The following CCBE1 variants were observed in gnomAD, a reference collection of about 807,000 sequenced individuals.
The protein encoded by CCBE1 is collagen and calcium binding EGF domains 1.
Under a neutral mutation model 50.0 loss-of-function variants are expected in CCBE1, and 37 were observed. That is an observed-to-expected ratio of 0.74 (90% CI 0.57 to 0.97). The LOEUF is 0.97. Ranked by LOEUF, CCBE1 falls within the 50% of genes least tolerant of loss-of-function variation. The pLI is 0.00. For synonymous variants in CCBE1, 234 were observed against 203.7 expected (o/e 1.15, Z -1.27); for missense variants, 538 against 523.8 (o/e 1.03, Z -0.26).
intron 2 of CCBE1, among the ~76,000 whole-genome samples, chr18:59,485,583 G>GGT (rs1384309085): frequency 1.2e-5 from 1 of 86,004 alleles, no homozygotes; most frequent in African/African-American, 5.3e-5. Context: ...AGATATATCA[G>GGT]ATATTTATTT....
intron 7 of CCBE1, among the ~76,000 whole-genome samples, chr18:59,440,484 G>A (rs950701759): frequency 2.6e-5 from 4 of 152,088 alleles, no homozygotes; most frequent in East Asian, 3.9e-4. Context: ...TTTCTGCCCC[G>A]AACCAGTCTT....
chr18:59,537,063 C>G (rs925412627), intron 2 of CCBE1, among the ~76,000 whole-genome samples: 4 of 151,596 alleles, frequency 2.6e-5, no homozygotes, highest in African/African-American at 7.3e-5. Flanking sequence ...AAAGTTAATG[C>G]TTAGCATACA....
chr18:59,497,162 G>A (rs1301199825), intron 2 of CCBE1, among the ~76,000 whole-genome samples: 1 of 152,034 alleles, frequency 6.6e-6, no homozygotes, highest in South Asian at 2.1e-4. Flanking sequence ...TCCTGTCTTC[G>A]CTCAATACAG....
At chr18:59,507,012 G>A (rs1040361842) in intron 2 of CCBE1, among the ~76,000 whole-genome samples, 4 of 152,008 alleles carry the variant, frequency 2.6e-5, no homozygotes, top group Admixed American at 2.0e-4. Flanking sequence ...CAGCCTTCAT[G>A]GTGGCATTTA....
At chr18:59,552,900 T>C (rs534728619) in intron 2 of CCBE1, among the ~76,000 whole-genome samples, 131 of 152,332 alleles carry the variant, frequency 8.6e-4, no homozygotes, top group Non-Finnish European at 1.5e-3. Flanking sequence ...CTCTGATCTA[T>C]AATGTAGCTG....
intron 3 of CCBE1, among the ~76,000 whole-genome samples, chr18:59,479,739 T>A (rs1463357032): frequency 6.6e-6 from 1 of 152,232 alleles, no homozygotes; most frequent in African/African-American, 2.4e-5. Flanking sequence ...GTCCCCGCCT[T>A]ACTTTGCTCT....
intron 7 of CCBE1, among the ~76,000 whole-genome samples, chr18:59,447,368 G>A (rs935295406): frequency 6.6e-5 from 10 of 152,172 alleles, no homozygotes; most frequent in African/African-American, 2.4e-4. Context: ...TTTCTGGGGT[G>A]ATAGAAATGT....
At chr18:59,598,218 T>C (rs994159439) in intron 2 of CCBE1, among the ~76,000 whole-genome samples, 1 of 152,194 alleles carries the variant, frequency 6.6e-6, no homozygotes, top group African/African-American at 2.4e-5. Flanking sequence ...ACCAGTGATT[T>C]ACAAAGCTTG....
intron 2 of CCBE1, among the ~76,000 whole-genome samples, chr18:59,692,956 GCACACA>G (rs59496597): frequency 0.021 from 1,811 of 86,890 alleles, 25 homozygotes; most frequent in Middle Eastern, 0.04. Context: ...TCAAGCCAAA[GCACACA>G]CACACACACA....
At chr18:59,436,667 G>C (rs574849565) in intron 10 of CCBE1, among the ~76,000 whole-genome samples, 3 of 152,272 alleles carry the variant, frequency 2.0e-5, no homozygotes, top group Admixed American at 2.0e-4. Context: ...AGCATAATAC[G>C]TATTCAAAAA....
chr18:59,558,404 A>C (rs767210898), intron 2 of CCBE1, among the ~76,000 whole-genome samples: 1 of 152,252 alleles, frequency 6.6e-6, no homozygotes, highest in Non-Finnish European at 1.5e-5. Flanking sequence ...TTAAATCTGT[A>C]AAGTACCATA....
At chr18:59,474,424 C>A (rs868544396) in intron 3 of CCBE1, among the ~76,000 whole-genome samples, 11 of 152,206 alleles carry the variant, frequency 7.2e-5, no homozygotes, top group African/African-American at 2.7e-4. Context: ...ATTACAAGTT[C>A]AGTTTCTTAA....
chr18:59,597,917 A>G (rs2053377950), intron 2 of CCBE1, among the ~76,000 whole-genome samples: 1 of 152,206 alleles, frequency 6.6e-6, no homozygotes, highest in Admixed American at 6.5e-5. Flanking sequence ...GAAAAGGGTA[A>G]ATAGTTTATT....
At chr18:59,678,448 G>T (rs1405281527) in intron 2 of CCBE1, among the ~76,000 whole-genome samples, 1 of 152,188 alleles carries the variant, frequency 6.6e-6, no homozygotes, top group African/African-American at 2.4e-5. Context: ...AAATGTCCAT[G>T]AAGACTAGAT....
chr18:59,628,124 G>C (rs2053810704), intron 2 of CCBE1, among the ~76,000 whole-genome samples: 2 of 152,218 alleles, frequency 1.3e-5, no homozygotes, highest in South Asian at 2.1e-4. Flanking sequence ...TGAGGTGGGA[G>C]AATCACCTGA....
At chr18:59,525,769 T>C (rs1398295781) in intron 2 of CCBE1, among the ~76,000 whole-genome samples, 1 of 152,220 alleles carries the variant, frequency 6.6e-6, no homozygotes, top group Non-Finnish European at 1.5e-5. Flanking sequence ...AATTTTTGTT[T>C]AAGGTGTAAT....
Position 59,439,671 on chromosome 18 carries a change from A to C in CCBE1, c.915+6T>G. 1 of 1,614,248 alleles carries C rather than the reference A, an allele frequency of 6.2e-7. No individual in the cohort carries two copies. Among genetic ancestry groups the C allele is most frequent in the South Asian group, 1.1e-5 (1 of 91,090 alleles). The stretch of plus-strand genomic sequence containing the variant: ...AAAGGAAGTGGATCTCTGATAAGAT[A>C]CTGACCACAGGGCCCCTCCGGCCTT... On this transcript the variant is annotated splice_donor_region_variant and intron_variant, in intron 8 of 10. Transcript: ENST00000439986.
intron 1 of CCBE1, 35 bp from the exon 2 acceptor site, chr18:59,696,744 A>T: frequency 6.2e-7 from 1 of 1,604,488 alleles, no homozygotes; most frequent in Non-Finnish European, 8.5e-7. Flanking sequence ...TTCGATTCTC[A>T]GCGGGAGAGC....
chr18:59,691,729 T>C (rs17836368), intron 2 of CCBE1, among the ~76,000 whole-genome samples: 63,428 of 152,094 alleles, frequency 0.42, 13,519 homozygotes, highest in East Asian at 0.52. Flanking sequence ...TTTCATTTTG[T>C]TTCCTCCCTG....
Sources: allele counts gnomAD v4.1 joint callset (sites outside exome capture counted in the v4.1 genomes callset), GRCh38; gene constraint gnomAD v4.1.1; transcripts MANE v1.5; gene names NCBI Gene and HGNC (gene_info 2026-07-23, HGNC 2026-07-21).